The following UBE2N variants were observed in gnomAD, a reference collection of about 807,000 sequenced individuals.
The protein encoded by UBE2N is ubiquitin-conjugating enzyme E2 N.
For synonymous variants in UBE2N, 70 were observed against 69.2 expected, an observed-to-expected ratio of 1.01 and a Z score of -0.06; for missense variants, 60 against 192.1, an observed-to-expected ratio of 0.31 and a Z score of 4.07.
chr12:93,406,190 C>T lies in UBE2N; in HGVS notation c.*3849G>A, dbSNP rs925050341. 7.1e-6 allele frequency: 1 copy of T among 140,972 alleles called. No individual in the cohort carries two copies. Among genetic ancestry groups the T allele is most frequent in the Non-Finnish European group, 1.5e-5 (1 of 66,138 alleles). The allele number at this position is 140,972 out of a possible 1,614,324, so 8.7% of individuals were successfully genotyped here. ...GGCTGAGGCAGGAGAATCGCTTGAA[C>T]GCGGGAGGCAGAACCTGCAGTGAGC... On this transcript the variant is annotated 3_prime_UTR_variant, in exon 4 of 4. Coordinates refer to ENST00000318066, the MANE Select transcript of UBE2N (RefSeq NM_003348.4).
intron 1 of UBE2N, among the ~76,000 whole-genome samples, chr12:93,418,607 A>G (rs1043634738): frequency 3.3e-5 from 5 of 151,630 alleles, no homozygotes; most frequent in Admixed American, 1.3e-4. Flanking sequence ...CTTACAAATC[A>G]TAAGGCCACC....
chr12:93,409,793 G>C lies in UBE2N; in HGVS notation c.*246C>G, dbSNP rs1296969542. 1 of 474,228 alleles carries C rather than the reference G, an allele frequency of 2.1e-6. No homozygotes were observed. The allele number at this position is 474,228 out of a possible 1,614,324, so 29.4% of individuals were successfully genotyped here. A position where few individuals can be genotyped will look rare whatever the true frequency, so the allele number is the denominator to read the frequency against. On this transcript the variant is annotated 3_prime_UTR_variant, in exon 4 of 4. Transcript: ENST00000318066. ...TGGGGGAAATGAATAAAAGCAGGGA[G>C]GGGCCACTGCTTTTAAACGTTTCAC... is the stretch of plus-strand genomic sequence containing the variant.
At chr12:93,413,426 C>T (rs991759494) in intron 1 of UBE2N, among the ~76,000 whole-genome samples, 2 of 152,140 alleles carry the variant, frequency 1.3e-5, no homozygotes, top group Non-Finnish European at 2.9e-5. Flanking sequence ...ACTAAACACA[C>T]TCTATAAGCT....
In UBE2N at chr12:93,407,581, C is replaced by CA. The variant is rs1431680590; in HGVS notation, c.*2457dup. 6.6e-6 allele frequency: 1 copy of CA among 152,188 alleles called. No homozygotes were observed. Among genetic ancestry groups the CA allele is most frequent in the Non-Finnish European group, 1.5e-5 (1 of 68,036 alleles). 9.4% of individuals were successfully genotyped at this position (152,188 alleles called of 1,614,324 possible). A position where few individuals can be genotyped will look rare whatever the true frequency, so the allele number is the denominator to read the frequency against. On this transcript the variant is annotated 3_prime_UTR_variant, in exon 4 of 4. Transcript: ENST00000318066. Reference sequence around the variant, plus strand: ...AGGGTGTCTGCTACTCAGATCCTCTCAGTTAAGTCCCGTGCACAAAGGTGG... The same window carrying CA: ...AGGGTGTCTGCTACTCAGATCCTCTCAAGTTAAGTCCCGTGCACAAAGGTGG...
chr12:93,418,911 T>C (rs190449566), intron 1 of UBE2N, among the ~76,000 whole-genome samples: 22 of 152,344 alleles, frequency 1.4e-4, no homozygotes, highest in Admixed American at 9.8e-4. Context: ...AAACTAGTCA[T>C]ATTTCAACTA....
At chr12:93,427,938 T>C (rs1792167497) in intron 1 of UBE2N, among the ~76,000 whole-genome samples, 1 of 152,162 alleles carries the variant, frequency 6.6e-6, no homozygotes, top group Admixed American at 6.5e-5. Context: ...TTTTTTGAGA[T>C]AGGATCTTGC....
chr12:93,416,335 A>G lies in UBE2N; in HGVS notation c.31-5036T>C, dbSNP rs2121064129. Among the ~76,000 whole-genome samples, 4 of 152,332 alleles carry G rather than the reference A, an allele frequency of 2.6e-5. 1 individual carries two copies. The Middle Eastern group carries it at 0.014, about 518-fold the overall frequency. On this transcript the variant is annotated intron_variant, in intron 1 of 3. Transcript: ENST00000318066. ...CTTTCCGGCCACTATTCAACACATG[A>G]CTAACTAAAATACCTTCTGGTTTTA...
At chr12:93,415,143 G>A (rs1177480301) in intron 1 of UBE2N, among the ~76,000 whole-genome samples, 1 of 151,220 alleles carries the variant, frequency 6.6e-6, no homozygotes, top group Non-Finnish European at 1.5e-5. Flanking sequence ...CCAGAAAAAT[G>A]TTCATATTTA....
chr12:93,419,170 C>T lies in UBE2N; in HGVS notation c.31-7871G>A, dbSNP rs1878321423. 4.6e-5 allele frequency among the ~76,000 whole-genome samples: 7 copies of T among 152,232 alleles called. No individual in the cohort carries two copies. The South Asian group carries it at 1.5e-3, about 32-fold the overall frequency. On this transcript the variant is annotated intron_variant, in intron 1 of 3. Transcript: ENST00000318066. ...ATCCCAGCACTTTGGGAGGCCGAGGCGGGCAGATCACCTGAGGTCAGGAGT... is the reference window on the plus strand; with the variant it reads ...ATCCCAGCACTTTGGGAGGCCGAGGTGGGCAGATCACCTGAGGTCAGGAGT...
intron 1 of UBE2N, among the ~76,000 whole-genome samples, chr12:93,420,128 T>C (rs1202622952): frequency 1.3e-5 from 2 of 152,220 alleles, no homozygotes; most frequent in Admixed American, 1.3e-4. Context: ...AAAAATCTAT[T>C]TCTAAGATTC....
intron 1 of UBE2N, among the ~76,000 whole-genome samples, chr12:93,411,697 G>GT: frequency 6.7e-6 from 1 of 149,330 alleles, no homozygotes; most frequent in Non-Finnish European, 1.5e-5. Context: ...TTTTTGGCTT[G>GT]TTTGTTTGTT....
At chr12:93,434,351 T>C (rs1463150642) in intron 1 of UBE2N, among the ~76,000 whole-genome samples, 1 of 152,194 alleles carries the variant, frequency 6.6e-6, no homozygotes. Flanking sequence ...AATTCCAAAC[T>C]TGAGCAAAGC....
At chr12:93,414,448 C>CA (rs398020640) in intron 1 of UBE2N, among the ~76,000 whole-genome samples, 11,887 of 73,020 alleles carry the variant, frequency 0.16, 915 homozygotes, top group East Asian at 0.23. Flanking sequence ...AGCTCCGTCT[C>CA]AAAAAAAAAA....
intron 1 of UBE2N, among the ~76,000 whole-genome samples, chr12:93,430,409 C>A (rs1315953627): frequency 6.6e-6 from 1 of 152,144 alleles, no homozygotes; most frequent in Non-Finnish European, 1.5e-5. Flanking sequence ...TATATTTTGC[C>A]GGTAAGAAAG....
At chr12:93,424,099 G>C (rs1432882007) in intron 1 of UBE2N, among the ~76,000 whole-genome samples, 1 of 152,070 alleles carries the variant, frequency 6.6e-6, no homozygotes, top group African/African-American at 2.4e-5. Flanking sequence ...CTTAAAAACA[G>C]TTTAATATGT....
chr12:93,432,822 T>C (rs1272662767), intron 1 of UBE2N, among the ~76,000 whole-genome samples: 2 of 152,174 alleles, frequency 1.3e-5, no homozygotes, highest in Non-Finnish European at 2.9e-5. Flanking sequence ...AAAATTACTT[T>C]AAATTACAGT....
rs2121038259 is a variant in UBE2N, at chr12:93,406,311, C to A, written c.*3728G>T. On this transcript the variant is annotated 3_prime_UTR_variant, in exon 4 of 4. Transcript: ENST00000318066. ...AAAAAAAAAAAAAAAAAAAAGGTTC[C>A]TGAACCATTCAACAGAAAAATGAGG... is the stretch of plus-strand genomic sequence containing the variant. 1 of 119,160 alleles carries A rather than the reference C, an allele frequency of 8.4e-6. No individual in the cohort carries two copies. Among genetic ancestry groups the A allele is most frequent in the South Asian group, 2.7e-4 (1 of 3,714 alleles). The allele number at this position is 119,160 out of a possible 1,614,324, so 7.4% of individuals were successfully genotyped here.
intron 1 of UBE2N, among the ~76,000 whole-genome samples, chr12:93,432,738 T>G (rs1488033129): frequency 6.6e-6 from 1 of 151,954 alleles, no homozygotes; most frequent in Non-Finnish European, 1.5e-5. Context: ...AAAAAAAAAT[T>G]GAAAATCTAA....
intron 1 of UBE2N, among the ~76,000 whole-genome samples, chr12:93,433,813 T>C (rs1306879109): frequency 6.6e-6 from 1 of 152,226 alleles, no homozygotes; most frequent in East Asian, 1.9e-4. Context: ...AAACATAATG[T>C]GTGTTCAGAA....
Sources: gnomAD v4.1 joint callset for allele counts (sites outside exome capture counted in the v4.1 genomes callset) on GRCh38, gnomAD v4.1.1 for gene constraint, MANE v1.5 for transcripts, NCBI Gene and HGNC (gene_info 2026-07-23, HGNC 2026-07-21) for gene names.